The following ATP9B variants were observed in gnomAD, a reference collection of about 807,000 sequenced individuals.
ATP9B encodes ATPase phospholipid transporting 9B.
ATP9B carries 110 observed loss-of-function variants against 146.1 expected under a neutral mutation model. The observed-to-expected ratio is 0.75, with a 90% CI of 0.65 to 0.88. The LOEUF is 0.88. Ranked by LOEUF, ATP9B falls within the 40% of genes least tolerant of loss-of-function variation. ATP9B has a pLI of 0.00. For synonymous variants in ATP9B, 604 were observed against 569.7 expected (o/e 1.06, Z -0.86); for missense variants, 1,499 against 1,496.4 (o/e 1.00, Z -0.03).
At chr18:79,327,559 G>GCT (rs1170757343) in intron 15 of ATP9B, among the ~76,000 whole-genome samples, 21 of 123,432 alleles carry the variant, frequency 1.7e-4, no homozygotes, top group African/African-American at 6.9e-4. Flanking sequence ...TGGTTAGCGT[G>GCT]CTCTCCGTGG....
chr18:79,246,655 A>T (rs531706377), intron 11 of ATP9B, among the ~76,000 whole-genome samples: 11 of 152,378 alleles, frequency 7.2e-5, no homozygotes, highest in African/African-American at 2.4e-4. Context: ...GGCGCTTTCC[A>T]GAGAGCGGGA....
intron 11 of ATP9B, among the ~76,000 whole-genome samples, chr18:79,251,312 TACTGTTGTG>T (rs1235075141): frequency 6.6e-5 from 10 of 152,220 alleles, no homozygotes; most frequent in African/African-American, 2.4e-4. Context: ...TTGTCATCGC[TACTGTTGTG>T]AAAGGCCATG....
At chr18:79,072,617 G>A (rs976518395) in intron 1 of ATP9B, among the ~76,000 whole-genome samples, 5 of 152,164 alleles carry the variant, frequency 3.3e-5, no homozygotes, top group African/African-American at 4.8e-5. Context: ...TTTTCTGTTC[G>A]ACAAAACCGC....
intron 26 of ATP9B, chr18:79,372,410 C>T (rs111342187): frequency 2.6e-5 from 9 of 352,932 alleles, no homozygotes; most frequent in African/African-American, 4.3e-5. Flanking sequence ...AGAACTGTTA[C>T]GTTCTGTATC....
At chr18:79,190,151 A>C (rs866667201) in intron 8 of ATP9B, among the ~76,000 whole-genome samples, 1 of 152,068 alleles carries the variant, frequency 6.6e-6, no homozygotes. Flanking sequence ...TTAGCAAGTC[A>C]CTCGGCTGCA....
chr18:79,088,865 A>G (rs753837150), intron 1 of ATP9B, among the ~76,000 whole-genome samples: 2 of 152,212 alleles, frequency 1.3e-5, no homozygotes, highest in Admixed American at 1.3e-4. Flanking sequence ...ATGAGAAACC[A>G]TGGTTAAAGT....
At chr18:79,131,175 G>T (rs778254418) in intron 5 of ATP9B, among the ~76,000 whole-genome samples, 1 of 151,996 alleles carries the variant, frequency 6.6e-6, no homozygotes, top group Non-Finnish European at 1.5e-5. Flanking sequence ...AAAAAAAGTT[G>T]TTAAGACATT....
At chr18:79,096,885 G>T (rs1176157224) in intron 2 of ATP9B, among the ~76,000 whole-genome samples, 3 of 152,146 alleles carry the variant, frequency 2.0e-5, no homozygotes, top group African/African-American at 7.2e-5. Context: ...GGCCGGGTGT[G>T]GTGGCTCATG....
At chr18:79,190,736 G>A (rs550662936) in intron 8 of ATP9B, among the ~76,000 whole-genome samples, 1 of 152,140 alleles carries the variant, frequency 6.6e-6, no homozygotes, top group East Asian at 1.9e-4. Flanking sequence ...AGTAGAGACG[G>A]AGTTTCTCCA....
chr18:79,094,897 C>T (rs1334901021), intron 1 of ATP9B, among the ~76,000 whole-genome samples: 1 of 152,150 alleles, frequency 6.6e-6, no homozygotes, highest in Non-Finnish European at 1.5e-5. Context: ...TTCCATCGTA[C>T]ACGACATGTA....
At chr18:79,273,321 A>T (rs1469763646) in intron 12 of ATP9B, among the ~76,000 whole-genome samples, 1 of 152,010 alleles carries the variant, frequency 6.6e-6, no homozygotes, top group African/African-American at 2.4e-5. Flanking sequence ...CACTGGTGGG[A>T]CTCACCCAGG....
intron 11 of ATP9B, among the ~76,000 whole-genome samples, chr18:79,221,071 T>C (rs1046347348): frequency 6.6e-6 from 1 of 152,236 alleles, no homozygotes; most frequent in African/African-American, 2.4e-5. Flanking sequence ...GCAATTGACA[T>C]TTTCCAATGT....
At chr18:79,375,524 T>A in intron 29 of ATP9B, 98 bp downstream of exon 29, 2 of 1,536,840 alleles carry the variant, frequency 1.3e-6, no homozygotes, top group Non-Finnish European at 1.8e-6. Context: ...CTTCCTCTAA[T>A]TCAGTGTTCC....
At chr18:79,156,653 C>G (rs762006920) in intron 7 of ATP9B, among the ~76,000 whole-genome samples, 3 of 152,200 alleles carry the variant, frequency 2.0e-5, no homozygotes, top group African/African-American at 4.8e-5. Flanking sequence ...ATTCTGGAAG[C>G]CTTCTTACTA....
chr18:79,092,030 G>A (rs1345326181), intron 1 of ATP9B, among the ~76,000 whole-genome samples: 3 of 152,038 alleles, frequency 2.0e-5, no homozygotes, highest in Non-Finnish European at 4.4e-5. Context: ...TTTTTTTGAT[G>A]TCTTTGTTTT....
intron 11 of ATP9B, among the ~76,000 whole-genome samples, chr18:79,243,291 A>G (rs1442354426): frequency 2.0e-5 from 3 of 152,216 alleles, no homozygotes; most frequent in Admixed American, 2.0e-4. Flanking sequence ...TGTTTTTAAT[A>G]TAATTATAAA....
chr18:79,360,799 G>A (rs151215701), intron 26 of ATP9B: 1 of 152,214 alleles, frequency 6.6e-6, no homozygotes, highest in East Asian at 1.9e-4. Context: ...TGGCATCATC[G>A]TGACTACTGG....
chr18:79,281,017 A>G lies in ATP9B; in HGVS notation c.1411+3821A>G, dbSNP rs531541213. Among the ~76,000 whole-genome samples, 6 of 152,328 alleles carry G rather than the reference A, an allele frequency of 3.9e-5. No homozygotes were observed. In the South Asian group the frequency reaches 1.2e-3, roughly 32 times the overall value. ...TCATTTTTTTAAATAGAAAAACAAG[A>G]AAGCCTAAAAATTATCTAAATGGCC... On this transcript the variant is annotated intron_variant, in intron 13 of 29. Transcript: ENST00000426216.
chr18:79,369,994 G>C (rs909910245), intron 26 of ATP9B, among the ~76,000 whole-genome samples: 1 of 152,170 alleles, frequency 6.6e-6, no homozygotes, highest in African/African-American at 2.4e-5. Flanking sequence ...AGCTACTCGG[G>C]AGGCTGAGGC....
Sources: gnomAD v4.1 joint callset for allele counts (sites outside exome capture counted in the v4.1 genomes callset) on GRCh38, gnomAD v4.1.1 for gene constraint, MANE v1.5 for transcripts, NCBI Gene and HGNC (gene_info 2026-07-23, HGNC 2026-07-21) for gene names.